ITPR2: variants seen among roughly 807,000 people sequenced by gnomAD.
ITPR2 encodes the protein inositol 1,4,5-trisphosphate receptor type 2, also known as inositol 1,4,5-trisphosphate-gated calcium channel ITPR2.
ITPR2 carries 207 observed loss-of-function variants against 317.1 expected under a neutral mutation model. The observed-to-expected ratio is 0.65, with a 90% CI of 0.58 to 0.73. The LOEUF (loss-of-function observed/expected upper bound fraction) is 0.73. Ranked by LOEUF, ITPR2 falls within the 30% of genes least tolerant of loss-of-function variation. ITPR2 has a pLI of 0.00. For synonymous variants in ITPR2, 1,156 were observed against 1,149.1 expected, an observed-to-expected ratio of 1.01 and a Z score of -0.12; for missense variants, 2,613 against 3,284.0, an observed-to-expected ratio of 0.80 and a Z score of 4.99.
At chr12:26,715,660 G>T in intron 7 of ITPR2, 92 bp downstream of exon 7, 1 of 846,358 alleles carries the variant, frequency 1.2e-6, no homozygotes, top group South Asian at 1.7e-5. Context: ...TCTAAATTAT[G>T]AACACCAGTG....
intron 45 of ITPR2, among the ~76,000 whole-genome samples, chr12:26,453,990 T>C (rs955149972): frequency 4.6e-5 from 7 of 152,160 alleles, no homozygotes; most frequent in African/African-American, 1.7e-4. Flanking sequence ...GCTTAATAAA[T>C]ATTTTTTGGA....
chr12:26,382,609 G>T (rs1342072692), intron 55 of ITPR2, among the ~76,000 whole-genome samples: 3 of 152,044 alleles, frequency 2.0e-5, no homozygotes, highest in African/African-American at 7.2e-5. Flanking sequence ...AGGTTGCAGT[G>T]AGCCAAGATT....
intron 34 of ITPR2, 69 bp from the exon 35 acceptor site, chr12:26,562,021 A>G: frequency 1.9e-6 from 2 of 1,078,940 alleles, no homozygotes; most frequent in East Asian, 6.2e-5. Flanking sequence ...TATCCATACA[A>G]TCTTATAAAC....
At chr12:26,575,411 C>T (rs1443616623) in intron 34 of ITPR2, among the ~76,000 whole-genome samples, 1 of 151,508 alleles carries the variant, frequency 6.6e-6, no homozygotes, top group Non-Finnish European at 1.5e-5. Context: ...GGCCACGATG[C>T]GGGGAAGGGG....
chr12:26,591,972 C>T (rs1386146089), intron 32 of ITPR2, among the ~76,000 whole-genome samples: 2 of 152,162 alleles, frequency 1.3e-5, no homozygotes, highest in South Asian at 2.1e-4. Context: ...GCACAGTTCA[C>T]AATAGCCAAA....
chr12:26,759,702 C>T (rs1300815954), intron 2 of ITPR2, among the ~76,000 whole-genome samples: 1 of 152,176 alleles, frequency 6.6e-6, no homozygotes, highest in Non-Finnish European at 1.5e-5. Context: ...GAAATAGCAG[C>T]TTTTGACAAG....
chr12:26,783,036 G>A (rs1313897905), intron 2 of ITPR2, among the ~76,000 whole-genome samples: 1 of 152,134 alleles, frequency 6.6e-6, no homozygotes, highest in Non-Finnish European at 1.5e-5. Flanking sequence ...CATGAGCAGA[G>A]GCAAAAGGTT....
chr12:26,781,989 CCTGTATATATATATATATATATAT>C (rs1950085971), intron 2 of ITPR2, among the ~76,000 whole-genome samples: 1 of 73,562 alleles, frequency 1.4e-5, no homozygotes, highest in African/African-American at 5.8e-5. Flanking sequence ...AATAAACTCC[CCTGTATATATATATATATATATAT>C]ATATATATAT....
intron 18 of ITPR2, among the ~76,000 whole-genome samples, chr12:26,657,205 G>A (rs1947390815): frequency 6.6e-6 from 1 of 152,110 alleles, no homozygotes; most frequent in South Asian, 2.1e-4. Flanking sequence ...TGACCACCAG[G>A]AACTGCCTTC....
intron 34 of ITPR2, among the ~76,000 whole-genome samples, chr12:26,565,061 C>T (rs1432349113): frequency 6.6e-6 from 1 of 152,138 alleles, no homozygotes; most frequent in African/African-American, 2.4e-5. Context: ...GAAACACGGA[C>T]TTTATGTCCA....
At chr12:26,370,700 A>G (rs1426863434) in intron 55 of ITPR2, among the ~76,000 whole-genome samples, 3 of 152,020 alleles carry the variant, frequency 2.0e-5, no homozygotes, top group Admixed American at 1.3e-4. Context: ...GTTTTGATGG[A>G]GTCTTGCTCT....
At chr12:26,479,472 T>C (rs939834765) in intron 43 of ITPR2, among the ~76,000 whole-genome samples, 5 of 152,166 alleles carry the variant, frequency 3.3e-5, no homozygotes, top group African/African-American at 1.2e-4. Context: ...TTTAAAGGTA[T>C]AGTCTTTAGA....
Position 26,439,129 on chromosome 12 carries a change from C to A in ITPR2, c.6641G>T (p.Arg2214Met), listed in dbSNP as rs2136727982. Residue 2214 changes from arginine to methionine, a missense_variant and splice_region_variant, in exon 47 of 57, where the codon AGG (arginine) becomes ATG (methionine). Around this residue, in one of 9 missense-constraint regions of ITPR2, gnomAD observed 926 missense variants for 1,072.8 expected, o/e 0.86. Coordinates refer to ENST00000381340, the MANE Select transcript of ITPR2 (RefSeq NM_002223.4). Reference protein sequence around the residue: ...YNEMKWQKKIRNNPALFWFSR... With the variant: ...YNEMKWQKKIMNNPALFWFSR... The stretch of plus-strand genomic sequence containing the variant: ...CCATTTCAGTTTACTGTACTTACTC[C>A]TGATTTTCTTCTGCCACTTCATTTC... 6.2e-7 allele frequency: 1 copy of A among 1,600,740 alleles called. No homozygotes were observed. Among genetic ancestry groups the A allele is most frequent in the African/African-American group, 1.3e-5 (1 of 74,690 alleles).
chr12:26,567,969 T>TTA (rs1555157702), intron 34 of ITPR2, among the ~76,000 whole-genome samples: 3 of 14,404 alleles, frequency 2.1e-4, no homozygotes, highest in Admixed American at 1.7e-3. Flanking sequence ...TATATATATA[T>TTA]TATATATATT....
intron 48 of ITPR2, among the ~76,000 whole-genome samples, chr12:26,432,354 T>G (rs1313638821): frequency 6.6e-6 from 1 of 152,198 alleles, no homozygotes; most frequent in Non-Finnish European, 1.5e-5. Context: ...GTCTGAAATT[T>G]TATCAGTTAA....
At chr12:26,746,822 ATGTGTGTG>A (rs34449902) in intron 2 of ITPR2, among the ~76,000 whole-genome samples, 1 of 147,658 alleles carries the variant, frequency 6.8e-6, no homozygotes, top group Non-Finnish European at 1.5e-5. Flanking sequence ...GGGTGCATGC[ATGTGTGTG>A]TGTGTGTGTG....
chr12:26,451,099 AT>A (rs1208575793), intron 45 of ITPR2, among the ~76,000 whole-genome samples: 2 of 152,136 alleles, frequency 1.3e-5, no homozygotes, highest in Non-Finnish European at 2.9e-5. Flanking sequence ...GAAAGAAGCA[AT>A]GTTCATGTTT....
At chr12:26,675,412 T>C (rs1278065771) in intron 13 of ITPR2, among the ~76,000 whole-genome samples, 3 of 152,048 alleles carry the variant, frequency 2.0e-5, no homozygotes, top group African/African-American at 4.8e-5. Flanking sequence ...ATGGATGAAA[T>C]TGGAAATCAT....
chr12:26,555,076 C>T lies in ITPR2; in HGVS notation c.4964+1157G>A, dbSNP rs139580638. 1.0e-3 allele frequency among the ~76,000 whole-genome samples: 154 copies of T among 152,262 alleles called. 1 individual carries two copies. Among genetic ancestry groups the T allele is most frequent in the African/African-American group, 3.3e-3 (139 of 41,538 alleles). ...TACACTCTTCCCAATCTCCCTAAGA[C>T]GCAATGAGTCTAAAGCCAAAAATAC... On this transcript the variant is annotated intron_variant, in intron 36 of 56. Transcript: ENST00000381340.
Sources: gnomAD v4.1 joint callset for allele counts (sites outside exome capture counted in the v4.1 genomes callset) on GRCh38, gnomAD v4.1.1 for gene constraint, gnomAD v4.1.1 regional missense constraint, MANE v1.5 for transcripts, NCBI Gene and HGNC (gene_info 2026-07-23, HGNC 2026-07-21) for gene names.